CSMD1: variants seen among roughly 807,000 people sequenced by gnomAD.
The protein encoded by CSMD1 is CUB and sushi domain-containing protein 1.
In CSMD1, 213 loss-of-function variants were observed where a neutral mutation model predicts 417.5. That is an observed-to-expected ratio of 0.51 (90% CI 0.46 to 0.57). The LOEUF is 0.57. CSMD1 is among the 20% of genes least tolerant of loss of function. The probability of loss-of-function intolerance (pLI) is 0.00; values close to 1 mark genes in which losing one functional copy is unlikely to be tolerated. For synonymous variants in CSMD1, 2,862 were observed against 1,736.8 expected (o/e 1.65, Z -16.11); for missense variants, 6,923 against 4,529.7 (o/e 1.53, Z -15.17).
intron 2 of CSMD1, among the ~76,000 whole-genome samples, chr8:4,578,526 C>G (rs186458076): frequency 6.6e-6 from 1 of 151,254 alleles, no homozygotes; most frequent in African/African-American, 2.4e-5. Context: ...TATTATAAAA[C>G]CTATCTTTGG....
chr8:4,231,623 A>G (rs1232985359), intron 3 of CSMD1, among the ~76,000 whole-genome samples: 5 of 152,196 alleles, frequency 3.3e-5, no homozygotes, highest in Non-Finnish European at 7.3e-5. Context: ...GTTGAGTCAG[A>G]TATCTTCTTT....
chr8:4,245,281 A>G (rs1324230210), intron 3 of CSMD1, among the ~76,000 whole-genome samples: 1 of 152,170 alleles, frequency 6.6e-6, no homozygotes, highest in African/African-American at 2.4e-5. Flanking sequence ...AACTCTACAT[A>G]TGTTAACACA....
intron 1 of CSMD1, among the ~76,000 whole-genome samples, chr8:4,935,164 A>C (rs1807521977): frequency 6.6e-6 from 1 of 152,214 alleles, no homozygotes; most frequent in South Asian, 2.1e-4. Context: ...GAGGATTTTA[A>C]ATTCCCCAGA....
chr8:3,001,871 C>T (rs1807433701), intron 52 of CSMD1, among the ~76,000 whole-genome samples: 1 of 152,136 alleles, frequency 6.6e-6, no homozygotes. Flanking sequence ...TGTCATACTC[C>T]TTTGGGATTA....
chr8:4,788,061 T>G, intron 1 of CSMD1: 4 of 1,595,016 alleles, frequency 2.5e-6, no homozygotes, highest in Middle Eastern at 2.3e-4. Flanking sequence ...AAACTTTGAG[T>G]GGGTTGCAGA....
intron 5 of CSMD1, among the ~76,000 whole-genome samples, chr8:3,917,612 A>ATCATT (rs5888999): frequency 0.9 from 136,357 of 151,780 alleles, 61,362 homozygotes; most frequent in East Asian, 0.97. Flanking sequence ...CTTCATATTT[A>ATCATT]TATTTTACCT....
At chr8:4,206,351 C>CA (rs768600300) in intron 3 of CSMD1, among the ~76,000 whole-genome samples, 6 of 152,120 alleles carry the variant, frequency 3.9e-5, no homozygotes, top group African/African-American at 7.2e-5. Flanking sequence ...CCCCTCCCCC[C>CA]AACCCACCAC....
chr8:4,305,004 A>G (rs375468013), intron 3 of CSMD1, among the ~76,000 whole-genome samples: 7 of 152,304 alleles, frequency 4.6e-5, no homozygotes, highest in African/African-American at 1.7e-4. Flanking sequence ...TTCTTACAGG[A>G]CCCACTACAA....
At chr8:3,469,070 T>C (rs1052397443) in intron 11 of CSMD1, 1 of 353,706 alleles carries the variant, frequency 2.8e-6, no homozygotes, top group Non-Finnish European at 5.1e-6. Flanking sequence ...AAAAAATCAA[T>C]TTAGGGCAAT....
intron 3 of CSMD1, among the ~76,000 whole-genome samples, chr8:4,263,593 T>A (rs1585121367): frequency 6.6e-6 from 1 of 152,184 alleles, no homozygotes; most frequent in African/African-American, 2.4e-5. Flanking sequence ...CAATTTTCAC[T>A]GACCTTCAAC....
At chr8:3,338,918 C>T (rs1338383334) in intron 23 of CSMD1, among the ~76,000 whole-genome samples, 2 of 151,368 alleles carry the variant, frequency 1.3e-5, no homozygotes, top group African/African-American at 4.8e-5. Flanking sequence ...ATGTGCCATG[C>T]TGGTGCGCTG....
intron 5 of CSMD1, among the ~76,000 whole-genome samples, chr8:3,914,666 G>A (rs1322828000): frequency 2.0e-5 from 3 of 152,114 alleles, no homozygotes; most frequent in Non-Finnish European, 4.4e-5. Flanking sequence ...ACGTTAGTAT[G>A]CATTAAGTCA....
chr8:3,767,598 T>A (rs1443488591), intron 5 of CSMD1, among the ~76,000 whole-genome samples: 1 of 152,206 alleles, frequency 6.6e-6, no homozygotes, highest in African/African-American at 2.4e-5. Context: ...TGGATCTATC[T>A]CTCAACTATG....
chr8:3,898,092 G>A (rs559323316), intron 5 of CSMD1, among the ~76,000 whole-genome samples: 123 of 152,110 alleles, frequency 8.1e-4, no homozygotes, highest in Non-Finnish European at 1.4e-3. Flanking sequence ...TATTACAATC[G>A]CCCTGACACC....
chr8:3,148,598 T>C (rs1306672244), intron 40 of CSMD1, among the ~76,000 whole-genome samples: 3 of 152,220 alleles, frequency 2.0e-5, no homozygotes, highest in Admixed American at 2.0e-4. Context: ...ACGCAGAAAT[T>C]AAAGAAGGCC....
At chr8:3,166,772 T>A (rs1417278372) in intron 37 of CSMD1, among the ~76,000 whole-genome samples, 2 of 152,170 alleles carry the variant, frequency 1.3e-5, no homozygotes, top group East Asian at 3.9e-4. Flanking sequence ...AATTATTTAT[T>A]CTTAAGGCAG....
At chr8:4,824,680 T>A (rs1053467731) in intron 1 of CSMD1, among the ~76,000 whole-genome samples, 1 of 152,180 alleles carries the variant, frequency 6.6e-6, no homozygotes, top group African/African-American at 2.4e-5. Context: ...AATTTTTGCG[T>A]ACACATTTCT....
At chr8:3,545,412 T>G (rs1022576501) in intron 10 of CSMD1, among the ~76,000 whole-genome samples, 2 of 152,220 alleles carry the variant, frequency 1.3e-5, no homozygotes, top group African/African-American at 4.8e-5. Flanking sequence ...TGATGTCTGA[T>G]GGTCCAAGGT....
chr8:4,761,047 G>C (rs566462603), intron 1 of CSMD1, among the ~76,000 whole-genome samples: 2 of 152,130 alleles, frequency 1.3e-5, no homozygotes, highest in Non-Finnish European at 2.9e-5. Context: ...GTTGTATCTC[G>C]GAGCCCAGAG....
Sources: gnomAD v4.1 joint callset for allele counts (sites outside exome capture counted in the v4.1 genomes callset) on GRCh38, gnomAD v4.1.1 for gene constraint, MANE v1.5 for transcripts, NCBI Gene and HGNC (gene_info 2026-07-23, HGNC 2026-07-21) for gene names.